Variants in ZNF25 observed in about 807,000 individuals in gnomAD.
ZNF25 encodes the protein zinc finger protein 25.
Under a neutral mutation model 30.9 loss-of-function variants are expected in ZNF25, and 21 were observed. The observed-to-expected ratio is 0.68, with a 90% CI of 0.48 to 0.98. The LOEUF is 0.98. Ranked by LOEUF, ZNF25 falls within the 50% of genes least tolerant of loss-of-function variation. ZNF25 has a pLI of 0.00. For synonymous variants in ZNF25, 169 were observed against 181.3 expected, an observed-to-expected ratio of 0.93 and a Z score of 0.55; for missense variants, 501 against 529.9, an observed-to-expected ratio of 0.95 and a Z score of 0.54.
chr10:37,952,368 T>C lies in ZNF25; in HGVS notation c.1130A>G (p.Lys377Arg), dbSNP rs760279454. The C allele has an allele frequency of 4.3e-6, 7 of 1,614,090 alleles. No individual in the cohort carries two copies. Among genetic ancestry groups the C allele is most frequent in the South Asian group, 3.3e-5 (3 of 91,086 alleles). The change falls in exon 6 of 6, where the codon AAA becomes AGA. Residue 377 changes from lysine to arginine, a missense_variant. Physicochemically the swap from Lys to Arg is conservative, Grantham distance 26. Coordinates refer to ENST00000302609, the MANE Select transcript of ZNF25 (RefSeq NM_145011.4). ...GAGGACTGAATTCACAGCAAAAGAT[T>C]TGCCACATTCTGTGCATTCATAGGG... Reference protein sequence around the residue: ...EKPYECTECGKSFAVNSVLRL... With the variant: ...EKPYECTECGRSFAVNSVLRL...
Position 37,957,490 on chromosome 10 carries a change from T to C in ZNF25, c.72A>G (p.Leu24=), listed in dbSNP as rs375952922. 5.0e-6 allele frequency: 8 copies of C among 1,613,918 alleles called. No individual in the cohort carries two copies. The highest frequency in any genetic ancestry group is 6.8e-6 in the Non-Finnish European group (8 of 1,179,964). The change falls in exon 3 of 6, where the codon TTA becomes TTG. Residue 24 remains leucine (L), a synonymous_variant. Transcript: ENST00000302609. ...IVEFTKEEWK[L]LTPAQRTLYK... The stretch of plus-strand genomic sequence containing the variant: ...ACAGAGTCCTCTGAGCAGGGGTCAG[T>C]AACTTCCATTCTTCCTTGGTGAATT...
Position 37,971,710 on chromosome 10 carries a change from G to C in ZNF25, c.13C>G (p.Gln5Glu), listed in dbSNP as rs369026055. ...TTAGGGCTAAGTAAATGACTCACCT[G>C]GAACTTGTTCATTTTCTGCTGCTCT... The part of the protein sequence containing the change: MNKF[Q>E]GPVTLKDVIV... The change falls in exon 2 of 6, where the codon CAG (glutamine) becomes GAG (glutamate). Residue 5 changes from glutamine (Q) to glutamate (E), a missense_variant and splice_region_variant. Gln to Glu is a conservative substitution (Grantham distance 29). Transcript: ENST00000302609. 8.7e-6 allele frequency: 14 copies of C among 1,612,724 alleles called. No individual in the cohort carries two copies. Among genetic ancestry groups the C allele is most frequent in the Non-Finnish European group, 1.1e-5 (13 of 1,179,840 alleles).
In ZNF25 at chr10:37,957,559, A is replaced by G; in HGVS notation, c.16-13T>C. 1 of 1,610,062 alleles carries G rather than the reference A, an allele frequency of 6.2e-7. No homozygotes were observed. The highest frequency in any genetic ancestry group is 1.3e-5 in the African/African-American group (1 of 74,928). On this transcript the variant is annotated splice_polypyrimidine_tract_variant and intron_variant, in intron 2 of 5. Transcript: ENST00000302609. ...ATGTCACGGGTCCCTGGAATAACAT[A>G]CTTCAGTTCAATTTGAAGTAACCAG...
At position 37,953,201 on chromosome 10, in the gene ZNF25, C is replaced by G. The variant is rs111575129; in HGVS notation, c.303-6G>C. ...GTTTTGTGAGTTCTCCATTCCTAGA[C>G]AGAAAGTTCCACATTCATTAATGTG... On this transcript the variant is annotated splice_polypyrimidine_tract_variant and splice_region_variant and intron_variant, in intron 5 of 5. Coordinates refer to ENST00000302609, the MANE Select transcript of ZNF25 (RefSeq NM_145011.4). 4.2e-5 allele frequency: 66 copies of G among 1,565,664 alleles called. No individual in the cohort carries two copies. Among genetic ancestry groups the G allele is most frequent in the Middle Eastern group, 3.5e-4 (2 of 5,782 alleles).
intron 3 of ZNF25, 35 bp downstream of exon 3, chr10:37,957,385 C>T (rs1314245691): frequency 6.2e-7 from 1 of 1,602,198 alleles, no homozygotes; most frequent in Non-Finnish European, 8.5e-7. Flanking sequence ...TAGATGCAAA[C>T]TACTGGGATT....
chr10:37,954,458 G>A (rs978155164), intron 4 of ZNF25, among the ~76,000 whole-genome samples: 2 of 152,086 alleles, frequency 1.3e-5, no homozygotes, highest in Admixed American at 1.3e-4. Context: ...CAAAAGGAAG[G>A]ATTTTCTTAA....
In ZNF25 at chr10:37,956,942, A is replaced by G. The variant is rs773953660; in HGVS notation, c.238+78T>C. 1.7e-3 allele frequency: 1,571 copies of G among 924,242 alleles called. 4 individuals are homozygous for G. The highest frequency in any genetic ancestry group is 5.2e-3 in the Middle Eastern group (22 of 4,254). 57.3% of individuals were successfully genotyped at this position (924,242 alleles called of 1,614,324 possible). On this transcript the variant is annotated intron_variant, in intron 4 of 5. Coordinates refer to ENST00000302609, the MANE Select transcript of ZNF25 (RefSeq NM_145011.4). ...AAAAAAAAAAAAAAAAAAGTGAGAG[A>G]TTGCCGAAAAGTACTTCAGAAGGCA...
chr10:37,959,975 C>T (rs1340007516), intron 2 of ZNF25, among the ~76,000 whole-genome samples: 5 of 150,704 alleles, frequency 3.3e-5, no homozygotes, highest in Admixed American at 6.6e-5. Flanking sequence ...AGTGCAGGGG[C>T]GCGATCTTAG....
chr10:37,950,784 G>A lies in ZNF25; in HGVS notation c.*1343C>T, dbSNP rs541156229. On this transcript the variant is annotated 3_prime_UTR_variant, in exon 6 of 6. Transcript: ENST00000302609. ...AGTAGCATGCCCCATGCTGGAATCGGGGCCCAGGCAGCAGGAGCCCAGAGT... is the reference window on the plus strand; with the variant it reads ...AGTAGCATGCCCCATGCTGGAATCGAGGCCCAGGCAGCAGGAGCCCAGAGT... 8 of 152,146 alleles carry A rather than the reference G, an allele frequency of 5.3e-5. No individual in the cohort carries two copies. The East Asian group carries it at 9.7e-4, about 18-fold the overall frequency. 9.4% of individuals were successfully genotyped at this position (152,146 alleles called of 1,614,324 possible).
intron 2 of ZNF25, among the ~76,000 whole-genome samples, chr10:37,970,545 C>A (rs977881161): frequency 6.6e-6 from 1 of 152,088 alleles, no homozygotes; most frequent in African/African-American, 2.4e-5. Flanking sequence ...TAAATTCTTT[C>A]CCCCCTAAGG....
intron 3 of ZNF25, 44 bp downstream of exon 3, chr10:37,957,376 A>G: frequency 6.3e-7 from 1 of 1,590,060 alleles, no homozygotes; most frequent in South Asian, 1.1e-5. Flanking sequence ...CTGAGAAGAT[A>G]GATGCAAACT....
intron 4 of ZNF25, among the ~76,000 whole-genome samples, chr10:37,956,586 G>A (rs912011762): frequency 8.5e-5 from 13 of 152,104 alleles, no homozygotes; most frequent in African/African-American, 3.1e-4. Flanking sequence ...CAAATAAAGT[G>A]TCCTTAATCG....
Position 37,957,538 on chromosome 10 carries a change from C to A in ZNF25, c.24G>T (p.Val8=). The part of the protein sequence containing the change: MNKFQGP[V]TLKDVIVEFT... ...ATTCCACAATAACATCCTTTAATGT[C>A]ACGGGTCCCTGGAATAACATACTTC... The change falls in exon 3 of 6, where the codon GTG becomes GTT. Residue 8 remains valine, a synonymous_variant. Transcript: ENST00000302609. The A allele has an allele frequency of 1.2e-6, 2 of 1,612,994 alleles. No individual in the cohort carries two copies. Among genetic ancestry groups the A allele is most frequent in the South Asian group, 2.2e-5 (2 of 90,796 alleles).
rs780117797 is a variant in ZNF25 at position 37,953,001 on chromosome 10, T to A, written c.497A>T (p.Lys166Ile). The change falls in exon 6 of 6, where the codon AAA becomes ATA. Residue 166 changes from lysine to isoleucine, a missense_variant. By Grantham distance (102) the Lys-to-Ile change is moderately radical. Coordinates refer to ENST00000302609, the MANE Select transcript of ZNF25 (RefSeq NM_145011.4). ...SKNEDLIRHQ[K>I]IHTRDKTYEC... ...ATAGGTTTTATCTCTCGTGTGAATT[T>A]TCTGATGTCTTATGAGGTCTTCATT... is the stretch of plus-strand genomic sequence containing the variant. 1 of 1,614,030 alleles carries A rather than the reference T, an allele frequency of 6.2e-7. No homozygotes were observed. Among genetic ancestry groups the A allele is most frequent in the South Asian group, 1.1e-5 (1 of 91,062 alleles).
At chr10:37,964,673 G>T (rs981944537) in intron 2 of ZNF25, among the ~76,000 whole-genome samples, 2 of 152,184 alleles carry the variant, frequency 1.3e-5, no homozygotes, top group Non-Finnish European at 1.5e-5. Context: ...TAGGAGCAAA[G>T]AAATGACTTA....
rs770894150 is a variant in ZNF25 at position 37,952,530 on chromosome 10, A to G, written c.968T>C (p.Phe323Ser). ...TACTGTGAGGGCTGACTTCTGGTAG[A>G]AGCATTTCCTACATTCCTTACATTC... ...PYECKECRKC[F>S]YQKSALTVHQ... is the part of the protein sequence containing the mutation. The change falls in exon 6 of 6, where the codon TTC (phenylalanine) becomes TCC (serine). Residue 323 changes from phenylalanine (F) to serine (S), a missense_variant. Transcript: ENST00000302609. The G allele has an allele frequency of 2.0e-5, 33 of 1,613,654 alleles. No individual in the cohort carries two copies. Among genetic ancestry groups the G allele is most frequent in the Non-Finnish European group, 2.5e-5 (30 of 1,179,910 alleles).
chr10:37,959,844 A>C (rs1464497920), intron 2 of ZNF25, among the ~76,000 whole-genome samples: 4 of 151,974 alleles, frequency 2.6e-5, no homozygotes, highest in Non-Finnish European at 4.4e-5. Flanking sequence ...TCCTGACCTC[A>C]GGTAATCTGC....
Position 37,951,812 on chromosome 10 carries a change from A to T in ZNF25, c.*315T>A. On this transcript the variant is annotated 3_prime_UTR_variant, in exon 6 of 6. Transcript: ENST00000302609. Reference sequence around the variant, plus strand: ...AAATGTCTTGACATTCGTTTTACTTACAGGATTTTTCTCCTGTGTGACTTC... The same window carrying T: ...AAATGTCTTGACATTCGTTTTACTTTCAGGATTTTTCTCCTGTGTGACTTC... 1 of 255,820 alleles carries T rather than the reference A, an allele frequency of 3.9e-6. No homozygotes were observed. The allele number at this position is 255,820 out of a possible 1,614,324, so 15.8% of individuals were successfully genotyped here. A position where few individuals can be genotyped will look rare whatever the true frequency, so the allele number is the denominator to read the frequency against.
intron 2 of ZNF25, among the ~76,000 whole-genome samples, chr10:37,964,719 T>C (rs927811652): frequency 1.3e-5 from 2 of 152,166 alleles, no homozygotes; most frequent in Admixed American, 1.3e-4. Context: ...AATCAAAGCA[T>C]AAAGTCTGGA....
Sources: allele counts gnomAD v4.1 joint callset (sites outside exome capture counted in the v4.1 genomes callset), GRCh38; gene constraint gnomAD v4.1.1; transcripts MANE v1.5; gene names NCBI Gene and HGNC (gene_info 2026-07-23, HGNC 2026-07-21).